Variants in COL4A2 observed in about 807,000 individuals in gnomAD.
COL4A2 encodes collagen alpha-2(IV) chain.
Under a neutral mutation model 200.2 loss-of-function variants are expected in COL4A2, and 99 were observed. The observed-to-expected ratio is 0.49, with a 90% CI of 0.42 to 0.58. The LOEUF (loss-of-function observed/expected upper bound fraction) is 0.58. Ranked by LOEUF, COL4A2 falls within the 20% of genes least tolerant of loss-of-function variation. The probability of loss-of-function intolerance (pLI) is 0.00; values close to 1 mark genes in which losing one functional copy is unlikely to be tolerated. For synonymous variants in COL4A2, 897 were observed against 900.6 expected, an observed-to-expected ratio of 1.00 and a Z score of 0.07; for missense variants, 1,950 against 2,314.1, an observed-to-expected ratio of 0.84 and a Z score of 3.23.
rs115261726 is a variant in COL4A2 at position 110,473,501 on chromosome 13, C to T, written c.2425+351C>T. 5.3e-3 allele frequency: 1,389 copies of T among 261,906 alleles called. 19 individuals are homozygous for T. The highest frequency in any genetic ancestry group is 0.027 in the African/African-American group (1,229 of 45,274). 16.2% of individuals were successfully genotyped at this position (261,906 alleles called of 1,614,324 possible). On this transcript the variant is annotated intron_variant, in intron 29 of 47. Coordinates refer to ENST00000360467, the MANE Select transcript of COL4A2 (RefSeq NM_001846.4). The stretch of plus-strand genomic sequence containing the variant: ...AGGTGGTATGAAGAAAAGATGGGCC[C>T]TGGCCATGCTTAGTCAGAGGTGAAG...
At chr13:110,427,148 G>A (rs1229599095) in intron 6 of COL4A2, among the ~76,000 whole-genome samples, 1 of 152,188 alleles carries the variant, frequency 6.6e-6, no homozygotes, top group Non-Finnish European at 1.5e-5. Context: ...TTTGAGGTTT[G>A]TTTGTTTTGT....
intron 3 of COL4A2, among the ~76,000 whole-genome samples, chr13:110,332,556 G>A (rs1385490396): frequency 6.6e-6 from 1 of 152,134 alleles, no homozygotes; most frequent in East Asian, 1.9e-4. Flanking sequence ...CTCTCCTTTT[G>A]TCCTCTTGAG....
At chr13:110,358,744 C>A (rs1363771184) in intron 4 of COL4A2, among the ~76,000 whole-genome samples, 1 of 152,126 alleles carries the variant, frequency 6.6e-6, no homozygotes, top group Non-Finnish European at 1.5e-5. Context: ...ATGAGAGTGT[C>A]TTAAATTTTC....
intron 18 of COL4A2, among the ~76,000 whole-genome samples, chr13:110,448,433 C>A (rs34905765): frequency 1.3e-5 from 2 of 152,014 alleles, no homozygotes; most frequent in Non-Finnish European, 2.9e-5. Context: ...CCTTTTCTAC[C>A]GGACAACATT....
At chr13:110,507,771 G>T (rs1883935192) in intron 46 of COL4A2, 164 bp from the exon 47 acceptor site, 2 of 655,616 alleles carry the variant, frequency 3.1e-6, no homozygotes, top group Admixed American at 5.8e-5. Context: ...AAGAGAAAAA[G>T]AAAGAAATTG....
chr13:110,332,173 G>A (rs190345943), intron 3 of COL4A2, among the ~76,000 whole-genome samples: 1 of 152,044 alleles, frequency 6.6e-6, no homozygotes, highest in Non-Finnish European at 1.5e-5. Context: ...ATACTGTCTA[G>A]AATATATTAG....
At chr13:110,424,298 A>T (rs1241482564) in intron 4 of COL4A2, among the ~76,000 whole-genome samples, 1 of 151,246 alleles carries the variant, frequency 6.6e-6, no homozygotes, top group Admixed American at 6.6e-5. Flanking sequence ...GGAGAGATTA[A>T]CCACTTAAAC....
intron 3 of COL4A2, among the ~76,000 whole-genome samples, chr13:110,309,808 G>A (rs72655747): frequency 0.31 from 46,657 of 151,676 alleles, 7,405 homozygotes; most frequent in Admixed American, 0.38. Flanking sequence ...GGAGAAACAC[G>A]GTAAAACCCT....
intron 47 of COL4A2, among the ~76,000 whole-genome samples, chr13:110,510,703 G>A (rs1884055940): frequency 1.3e-5 from 2 of 152,250 alleles, no homozygotes; most frequent in Admixed American, 1.3e-4. Context: ...ATGCATGTGT[G>A]TGTGCGCAGC....
chr13:110,356,606 T>G (rs1388246928), intron 3 of COL4A2, among the ~76,000 whole-genome samples: 1 of 152,136 alleles, frequency 6.6e-6, no homozygotes, highest in Admixed American at 6.5e-5. Flanking sequence ...GCTCCACATG[T>G]CCAGGCAGAA....
At chr13:110,492,498 G>T (rs1213910841) in intron 38 of COL4A2, among the ~76,000 whole-genome samples, 1 of 152,198 alleles carries the variant, frequency 6.6e-6, no homozygotes, top group Non-Finnish European at 1.5e-5. Flanking sequence ...CAGGGTGCAG[G>T]AGCAGCCTCA....
chr13:110,456,814 C>T (rs1431901261), intron 20 of COL4A2: 3 of 474,604 alleles, frequency 6.3e-6, no homozygotes, highest in Admixed American at 4.8e-5. Context: ...GGTGCCGATG[C>T]CCTGCGTCTG....
At chr13:110,442,493 A>G (rs1298663744) in intron 16 of COL4A2, among the ~76,000 whole-genome samples, 7 of 152,300 alleles carry the variant, frequency 4.6e-5, no homozygotes, top group African/African-American at 1.7e-4. Flanking sequence ...ACCTCCCCCT[A>G]GACACCAAAA....
chr13:110,356,489 TC>T (rs1272929709), intron 3 of COL4A2, among the ~76,000 whole-genome samples: 2 of 152,166 alleles, frequency 1.3e-5, no homozygotes, highest in Non-Finnish European at 2.9e-5. Context: ...ATGATGGGTG[TC>T]CCATGAGGGA....
intron 29 of COL4A2, 42 bp downstream of exon 29, chr13:110,473,192 C>T: frequency 6.5e-7 from 1 of 1,534,480 alleles, no homozygotes; most frequent in South Asian, 1.2e-5. Flanking sequence ...ATCCCAGATG[C>T]ACAGTGGCCT....
intron 4 of COL4A2, among the ~76,000 whole-genome samples, chr13:110,370,317 G>A (rs1359746587): frequency 6.6e-6 from 1 of 152,060 alleles, no homozygotes; most frequent in Non-Finnish European, 1.5e-5. Context: ...AGGCTGGAGT[G>A]CAATGTAGCA....
intron 3 of COL4A2, among the ~76,000 whole-genome samples, chr13:110,349,766 CTTT>C (rs200067934): frequency 6.9e-6 from 1 of 145,878 alleles, no homozygotes; most frequent in Non-Finnish European, 1.5e-5. Flanking sequence ...TTCATATCTT[CTTT>C]TTTTTTTTTA....
At chr13:110,473,216 C>T in intron 29 of COL4A2, 66 bp downstream of exon 29, 1 of 1,440,928 alleles carries the variant, frequency 6.9e-7, no homozygotes, top group Non-Finnish European at 9.4e-7. Context: ...AGGGCGACCC[C>T]AATCCCTTCC....
rs566152383 is a variant in COL4A2, at chr13:110,336,756, G to T, written c.100-20716G>T. Among the ~76,000 whole-genome samples, 15 of 152,300 alleles carry T rather than the reference G, an allele frequency of 9.8e-5. No individual in the cohort carries two copies. The South Asian group carries it at 2.9e-3, about 29-fold the overall frequency. ...GATGTTTGAACATATTATATACAGA[G>T]CCTTGACCCCAGGGCCTTATTCCTG... On this transcript the variant is annotated intron_variant, in intron 3 of 47. Transcript: ENST00000360467.
Sources: allele counts gnomAD v4.1 joint callset (sites outside exome capture counted in the v4.1 genomes callset), GRCh38; gene constraint gnomAD v4.1.1; transcripts MANE v1.5; gene names NCBI Gene and HGNC (gene_info 2026-07-23, HGNC 2026-07-21).